The following NAALADL2 variants were observed in gnomAD, a reference collection of about 807,000 sequenced individuals.
NAALADL2 encodes N-acetylated alpha-linked acidic dipeptidase like 2.
Under a neutral mutation model 87.2 loss-of-function variants are expected in NAALADL2, and 76 were observed. The ratio of observed to expected loss-of-function variants is 0.87; its 90% CI spans 0.72 to 1.05. The LOEUF (loss-of-function observed/expected upper bound fraction) is 1.05, where lower values mean the gene tolerates loss of function less well. NAALADL2 is among the 50% of genes least tolerant of loss of function. NAALADL2 has a pLI of 0.00. For synonymous variants in NAALADL2, 354 were observed against 331.0 expected, an observed-to-expected ratio of 1.07 and a Z score of -0.75; for missense variants, 1,089 against 945.8, an observed-to-expected ratio of 1.15 and a Z score of -1.99.
intron 3 of NAALADL2, among the ~76,000 whole-genome samples, chr3:174,776,455 T>C (rs1715221786): frequency 6.6e-6 from 1 of 152,132 alleles, no homozygotes; most frequent in Non-Finnish European, 1.5e-5. Flanking sequence ...CACTTCTTAT[T>C]GAAATCTTAT....
chr3:175,730,407 T>TATATATATATATATATATATATATAG (rs1743533548), intron 11 of NAALADL2, among the ~76,000 whole-genome samples: 1 of 71,976 alleles, frequency 1.4e-5, no homozygotes, highest in Non-Finnish European at 2.8e-5. Context: ...TATATATATA[T>TATATATATATATATATATATATATAG]ATATATATAT....
chr3:174,667,548 T>TTTG (rs1308011689), intron 2 of NAALADL2, among the ~76,000 whole-genome samples: 1 of 115,424 alleles, frequency 8.7e-6, no homozygotes, highest in African/African-American at 3.0e-5. Context: ...GGAGAGAGTT[T>TTTG]TTTTTTTTTT....
chr3:174,496,746 G>C (rs1006200617), intron 1 of NAALADL2, among the ~76,000 whole-genome samples: 2 of 151,936 alleles, frequency 1.3e-5, no homozygotes, highest in South Asian at 4.1e-4. Context: ...AAATAACAGT[G>C]AACTCAAGTT....
intron 5 of NAALADL2, among the ~76,000 whole-genome samples, chr3:175,398,549 T>A (rs115408064): frequency 0.28 from 42,510 of 151,356 alleles, 6,615 homozygotes; most frequent in East Asian, 0.48. Context: ...ATAAGGAAGT[T>A]TTTGCAGAAA....
intron 2 of NAALADL2, among the ~76,000 whole-genome samples, chr3:174,655,173 G>A (rs942412291): frequency 6.6e-6 from 1 of 152,170 alleles, no homozygotes; most frequent in African/African-American, 2.4e-5. Context: ...TAAAATAGTA[G>A]TAACTAACAA....
rs1489640629 is a variant in NAALADL2, at chr3:175,093,416, T to TATATATATATA, written c.44-3374_44-3373insATATATATATA. ...TTTTTGTTGAGTTCATTTTATTTTTTTATATATATATATATATGTTTTAAG... is the reference window on the plus strand; with the variant it reads ...TTTTTGTTGAGTTCATTTTATTTTTTATATATATATATATATATATATATATATGTTTTAAG... On this transcript the variant is annotated intron_variant, in intron 1 of 13. Transcript: ENST00000454872. Among the ~76,000 whole-genome samples the TATATATATATA allele has an allele frequency of 5.8e-3, 804 of 139,484 alleles. 6 individuals are homozygous for TATATATATATA. Among genetic ancestry groups the TATATATATATA allele is most frequent in the East Asian group, 0.011 (53 of 4,658 alleles). The allele number at this position is 139,484 out of a possible 152,430, so 91.5% of individuals were successfully genotyped here. A position where few individuals can be genotyped will look rare whatever the true frequency, so the allele number is the denominator to read the frequency against.
chr3:175,515,639 A>G (rs1731732702), intron 9 of NAALADL2, among the ~76,000 whole-genome samples: 1 of 152,150 alleles, frequency 6.6e-6, no homozygotes, highest in African/African-American at 2.4e-5. Context: ...CCAGCTCTGA[A>G]TTAGGCACAA....
intron 1 of NAALADL2, among the ~76,000 whole-genome samples, chr3:174,515,971 A>G (rs537541051): frequency 1.3e-5 from 2 of 152,212 alleles, no homozygotes; most frequent in East Asian, 3.9e-4. Flanking sequence ...GTAACAAAAC[A>G]TGAATAGAGA....
chr3:175,583,292 C>A (rs1252394143), intron 10 of NAALADL2, among the ~76,000 whole-genome samples: 3 of 152,152 alleles, frequency 2.0e-5, no homozygotes, highest in African/African-American at 4.8e-5. Flanking sequence ...GAATGTTTAT[C>A]ACTTTCACAC....
At chr3:175,320,777 C>A (rs1051284554) in intron 4 of NAALADL2, among the ~76,000 whole-genome samples, 22 of 152,110 alleles carry the variant, frequency 1.4e-4, no homozygotes, top group African/African-American at 5.3e-4. Context: ...TCTCCCAAGA[C>A]TAAACCAGGA....
chr3:175,413,523 T>C (rs1023918229), intron 5 of NAALADL2, among the ~76,000 whole-genome samples: 4 of 144,190 alleles, frequency 2.8e-5, no homozygotes, highest in African/African-American at 1.0e-4. Flanking sequence ...TGAGCTGAGA[T>C]TGCGCCAAAG....
At chr3:174,509,892 A>G (rs1398094487) in intron 1 of NAALADL2, among the ~76,000 whole-genome samples, 1 of 152,078 alleles carries the variant, frequency 6.6e-6, no homozygotes, top group African/African-American at 2.4e-5. Context: ...GCAGTCCTTA[A>G]CAGATGCCAT....
chr3:174,449,883 G>A (rs1715354306), intron 1 of NAALADL2, among the ~76,000 whole-genome samples: 1 of 151,948 alleles, frequency 6.6e-6, no homozygotes, highest in African/African-American at 2.4e-5. Context: ...TTACCTAAAT[G>A]TTCCACATGA....
chr3:174,700,249 C>A (rs1435850411), intron 2 of NAALADL2, among the ~76,000 whole-genome samples: 1 of 141,260 alleles, frequency 7.1e-6, no homozygotes, highest in South Asian at 2.2e-4. Flanking sequence ...TTTTTTTCAG[C>A]GTAGAACTGT....
chr3:175,163,617 T>A (rs756296275), intron 2 of NAALADL2, among the ~76,000 whole-genome samples: 2 of 152,118 alleles, frequency 1.3e-5, no homozygotes. Flanking sequence ...TCTATTACCA[T>A]AACAACTATT....
intron 1 of NAALADL2, among the ~76,000 whole-genome samples, chr3:174,507,268 A>G (rs1719256298): frequency 6.6e-6 from 1 of 152,152 alleles, no homozygotes; most frequent in South Asian, 2.1e-4. Flanking sequence ...TGCTTCACTT[A>G]CAAAAGATGT....
chr3:175,753,838 G>A (rs1406502036), intron 12 of NAALADL2, among the ~76,000 whole-genome samples: 1 of 152,090 alleles, frequency 6.6e-6, no homozygotes, highest in African/African-American at 2.4e-5. Context: ...GCCTCAGGAG[G>A]CCTCCATTCT....
chr3:175,529,921 A>C (rs1446104246), intron 9 of NAALADL2, among the ~76,000 whole-genome samples: 2 of 152,172 alleles, frequency 1.3e-5, no homozygotes, highest in African/African-American at 4.8e-5. Flanking sequence ...AAGAGGTCCA[A>C]TATAATCAAC....
intron 1 of NAALADL2, among the ~76,000 whole-genome samples, chr3:174,959,522 T>C (rs1316007968): frequency 1.3e-5 from 2 of 151,936 alleles, no homozygotes; most frequent in African/African-American, 4.8e-5. Context: ...GCACAATACA[T>C]AGGGGAATCA....
Sources: allele counts gnomAD v4.1 joint callset (sites outside exome capture counted in the v4.1 genomes callset), GRCh38; gene constraint gnomAD v4.1.1; transcripts MANE v1.5; gene names NCBI Gene and HGNC (gene_info 2026-07-23, HGNC 2026-07-21).